Variants in PCDHGB1 observed in about 807,000 individuals in gnomAD.
PCDHGB1 encodes protocadherin gamma subfamily B, 1.
In PCDHGB1, 34 loss-of-function variants were observed where a neutral mutation model predicts 56.6. The ratio of observed to expected loss-of-function variants is 0.60; its 90% CI spans 0.46 to 0.80. The LOEUF (loss-of-function observed/expected upper bound fraction) is 0.80, where lower values mean the gene tolerates loss of function less well. PCDHGB1 is among the 30% of genes least tolerant of loss of function. The probability of loss-of-function intolerance (pLI) is 0.00; values close to 1 mark genes in which losing one functional copy is unlikely to be tolerated. For synonymous variants in PCDHGB1, 561 were observed against 505.9 expected, an observed-to-expected ratio of 1.11 and a Z score of -1.46; for missense variants, 1,278 against 1,204.6, an observed-to-expected ratio of 1.06 and a Z score of -0.90.
chr5:141,393,136 C>A (rs1188231861), intron 1 of PCDHGB1: 3 of 1,613,306 alleles, frequency 1.9e-6, no homozygotes, highest in Admixed American at 1.7e-5. Flanking sequence ...AATATTAACA[C>A]CCTGGTTGAG....
At position 141,485,120 on chromosome 5, in the gene PCDHGB1, G is replaced by T; in HGVS notation, c.2410-9687G>T. The T allele has an allele frequency of 7.4e-7, 1 of 1,348,050 alleles. No individual in the cohort carries two copies. Among genetic ancestry groups the T allele is most frequent in the Non-Finnish European group, 1.0e-6 (1 of 952,710 alleles). 83.5% of individuals were successfully genotyped at this position (1,348,050 alleles called of 1,614,324 possible). On this transcript the variant is annotated intron_variant, in intron 1 of 3. Transcript: ENST00000523390. The surrounding 1 kb of genome is among the most constrained non-coding windows in gnomAD (Gnocchi z 5.7). ...TCCAGCTGCTGTGGCTGTTTGGGGC[G>T]GGTCGGCTTCATCCGCGTCTCAGGA...
intron 1 of PCDHGB1, among the ~76,000 whole-genome samples, chr5:141,484,720 G>A (rs1458277947): frequency 2.6e-5 from 4 of 151,988 alleles, no homozygotes; most frequent in African/African-American, 7.2e-5. Flanking sequence ...GAAAAGGGGC[G>A]GGGTCAGTCG....
In PCDHGB1 at chr5:141,351,408, A is replaced by G. The variant is rs754223398; in HGVS notation, c.1148A>G (p.Gln383Arg). ...GQNGMVTCYT[Q>R]EEVPFKLEST... The stretch of plus-strand genomic sequence containing the variant: ...AATGGCATGGTGACATGCTATACTC[A>G]GGAAGAAGTTCCTTTCAAATTAGAA... The change falls in exon 1 of 4, where the codon CAG (glutamine) becomes CGG (arginine). Residue 383 changes from glutamine (Q) to arginine (R), a missense_variant. Coordinates refer to ENST00000523390, the MANE Select transcript of PCDHGB1 (RefSeq NM_018922.3). 6.2e-7 allele frequency: 1 copy of G among 1,611,512 alleles called. No homozygotes were observed. The highest frequency in any genetic ancestry group is 8.5e-7 in the Non-Finnish European group (1 of 1,178,626).
chr5:141,390,478 ATTTG>A (rs2092157792), intron 1 of PCDHGB1: 1 of 678,524 alleles, frequency 1.5e-6, no homozygotes, highest in Admixed American at 3.1e-5. Flanking sequence ...GTGGCCCAAC[ATTTG>A]TTTGTTTTTT....
At chr5:141,390,051 A>G in intron 1 of PCDHGB1, 1 of 1,613,978 alleles carries the variant, frequency 6.2e-7, no homozygotes, top group Non-Finnish European at 8.5e-7. Context: ...CGCCTCCTGG[A>G]GCTGCTTCCA....
rs764976894 is a variant in PCDHGB1, at chr5:141,476,238, G to T, written c.2410-18569G>T. On this transcript the variant is annotated intron_variant, in intron 1 of 3. Transcript: ENST00000523390. The surrounding 1 kb of genome is among the most constrained non-coding windows in gnomAD (Gnocchi z 7.6). ...ATTCACTATGAGATCCCGGAGGAAA[G>T]AGAGAAGGGTTTCGCTGTGGGCAAC... is the stretch of plus-strand genomic sequence containing the variant. The T allele has an allele frequency of 3.1e-6, 5 of 1,614,098 alleles. No individual in the cohort carries two copies. The highest frequency in any genetic ancestry group is 4.2e-6 in the Non-Finnish European group (5 of 1,180,012).
chr5:141,509,843 C>T (rs1596253565), intron 3 of PCDHGB1, among the ~76,000 whole-genome samples: 1 of 152,178 alleles, frequency 6.6e-6, no homozygotes, highest in African/African-American at 2.4e-5. Context: ...CTCCCATTCA[C>T]TCAGAACAGG....
intron 1 of PCDHGB1, among the ~76,000 whole-genome samples, chr5:141,468,246 A>G (rs2099161183): frequency 6.7e-6 from 1 of 149,754 alleles, no homozygotes; most frequent in South Asian, 2.1e-4. Context: ...AATTGCCTGA[A>G]CCTGGGAGGC....
At chr5:141,399,115 GA>G in intron 1 of PCDHGB1, 3 of 1,613,814 alleles carry the variant, frequency 1.9e-6, no homozygotes, top group Non-Finnish European at 2.5e-6. Context: ...ATGTACAGTT[GA>G]AATTAATATT....
At position 141,477,067 on chromosome 5, in the gene PCDHGB1, C is replaced by G. The variant is rs370882752; in HGVS notation, c.2410-17740C>G. 5.6e-5 allele frequency: 91 copies of G among 1,614,116 alleles called. No individual in the cohort carries two copies. Among genetic ancestry groups the G allele is most frequent in the Non-Finnish European group, 7.7e-5 (91 of 1,180,042 alleles). ...GGCTGGACTTCGAGGACACCAAACT[C>G]CATGAGATTTACATCCAGGCCAAAG... On this transcript the variant is annotated intron_variant, in intron 1 of 3. Transcript: ENST00000523390. This position sits in a 1 kb window ranked among gnomAD's most constrained non-coding sequence, Gnocchi z 4.9.
intron 2 of PCDHGB1, among the ~76,000 whole-genome samples, chr5:141,499,780 G>A (rs776654854): frequency 1.4e-5 from 2 of 145,766 alleles, no homozygotes; most frequent in Non-Finnish European, 3.0e-5. Flanking sequence ...TTCGCCTCCC[G>A]GGTTCAAGCA....
rs2099883748 is a variant in PCDHGB1 at position 141,511,359 on chromosome 5, T to A, written c.*186T>A. On this transcript the variant is annotated 3_prime_UTR_variant, in exon 4 of 4. Transcript: ENST00000523390. ...CACCTACCCCTTCCCCCCCAGGGGGTTGAATATGCAAAAGCAGTTCCGCTG... is the reference window on the plus strand; with the variant it reads ...CACCTACCCCTTCCCCCCCAGGGGGATGAATATGCAAAAGCAGTTCCGCTG... 2 of 1,339,338 alleles carry A rather than the reference T, an allele frequency of 1.5e-6. No individual in the cohort carries two copies. Among genetic ancestry groups the A allele is most frequent in the Non-Finnish European group, 2.0e-6 (2 of 1,000,492 alleles). The allele number at this position is 1,339,338 out of a possible 1,614,324, so 83.0% of individuals were successfully genotyped here. A position where few individuals can be genotyped will look rare whatever the true frequency, so the allele number is the denominator to read the frequency against.
intron 1 of PCDHGB1, chr5:141,428,311 G>A: frequency 3.0e-6 from 2 of 671,726 alleles, no homozygotes; most frequent in Non-Finnish European, 5.3e-6. Context: ...CCTGGTCGTG[G>A]CCTTGGCCTT....
intron 1 of PCDHGB1, chr5:141,361,874 G>T: frequency 6.2e-7 from 1 of 1,611,062 alleles, no homozygotes; most frequent in Non-Finnish European, 8.5e-7. Context: ...ATGGTGCCAC[G>T]CGCCGCAGAG....
chr5:141,417,754 C>A, intron 1 of PCDHGB1: 2 of 1,431,302 alleles, frequency 1.4e-6, no homozygotes, highest in Non-Finnish European at 1.8e-6. Flanking sequence ...TTGCCAGCTC[C>A]GAGACCCGGG....
chr5:141,427,652 G>T, intron 1 of PCDHGB1: 1 of 721,166 alleles, frequency 1.4e-6, no homozygotes, highest in Non-Finnish European at 2.5e-6. Flanking sequence ...TCTCCTACGT[G>T]GTCCACGTGG....
In PCDHGB1 at chr5:141,375,951, C is replaced by T. The variant is rs767101939; in HGVS notation, c.2409+23282C>T. 10 of 1,613,526 alleles carry T rather than the reference C, an allele frequency of 6.2e-6. No individual in the cohort carries two copies. The Admixed American group carries it at 1.5e-4, about 24-fold the overall frequency. ...GGACTTTTCTCAGTGGGCCTGCACA[C>T]GGGCGAGGTGCGCACGGCGCGCGCC... On this transcript the variant is annotated intron_variant, in intron 1 of 3. Transcript: ENST00000523390.
chr5:141,415,848 A>C (rs1222834072), intron 1 of PCDHGB1: 1 of 1,241,178 alleles, frequency 8.1e-7, no homozygotes, highest in Non-Finnish European at 1.0e-6. Context: ...GCTTTGCAGA[A>C]CCTTGTAGTT....
Position 141,432,623 on chromosome 5 carries a change from C to T in PCDHGB1, c.2410-62184C>T, listed in dbSNP as rs1047752183. Reference sequence around the variant, plus strand: ...GCCGGGACTCTTCTCGGTGGGTCTGCACACGGGCGAGGTGCGCACGGCGCG... The same window carrying T: ...GCCGGGACTCTTCTCGGTGGGTCTGTACACGGGCGAGGTGCGCACGGCGCG... On this transcript the variant is annotated intron_variant, in intron 1 of 3. Coordinates refer to ENST00000523390, the MANE Select transcript of PCDHGB1 (RefSeq NM_018922.3). The surrounding 1 kb of genome is among the most constrained non-coding windows in gnomAD (Gnocchi z 6.0). The T allele has an allele frequency of 1.2e-6, 2 of 1,613,196 alleles. No homozygotes were observed. The highest frequency in any genetic ancestry group is 2.2e-5 in the East Asian group (1 of 44,792).
Sources: gnomAD v4.1 joint callset for allele counts (sites outside exome capture counted in the v4.1 genomes callset) on GRCh38, gnomAD v4.1.1 for gene constraint, Gnocchi (gnomAD v3.1) non-coding constraint, MANE v1.5 for transcripts, NCBI Gene and HGNC (gene_info 2026-07-23, HGNC 2026-07-21) for gene names.